The following FER1L6 variants were observed in gnomAD, a reference collection of about 807,000 sequenced individuals.
FER1L6 encodes fer-1-like protein 6.
FER1L6 carries 177 observed loss-of-function variants against 219.2 expected under a neutral mutation model. The ratio of observed to expected loss-of-function variants is 0.81; its 90% CI spans 0.71 to 0.91. The LOEUF is 0.91. Ranked by LOEUF, FER1L6 falls within the 40% of genes least tolerant of loss-of-function variation. The pLI is 0.00. For synonymous variants in FER1L6, 768 were observed against 824.3 expected (o/e 0.93, Z 1.17); for missense variants, 2,153 against 2,259.9 (o/e 0.95, Z 0.96).
intron 2 of FER1L6, among the ~76,000 whole-genome samples, chr8:123,958,411 G>T (rs1563707521): frequency 6.6e-6 from 1 of 152,302 alleles, no homozygotes; most frequent in South Asian, 2.1e-4. Context: ...TCAGGCTCCA[G>T]GTGACCCTGT....
intron 14 of FER1L6, among the ~76,000 whole-genome samples, chr8:124,011,747 ATT>A (rs948913666): frequency 2.0e-5 from 3 of 151,812 alleles, no homozygotes; most frequent in African/African-American, 7.3e-5. Context: ...CAGCCCCCAA[ATT>A]GCTGGGGTGA....
chr8:124,064,295 G>A (rs375847755), intron 25 of FER1L6, 52 bp from the exon 26 acceptor site: 191 of 1,469,332 alleles, frequency 1.3e-4, no homozygotes, highest in Non-Finnish European at 1.6e-4. Context: ...TCCCTGAAAC[G>A]ACCACCCTGT....
rs930271300 is a variant in FER1L6, at chr8:123,877,934, A to G, written c.-8+25749A>G. Among the ~76,000 whole-genome samples the G allele has an allele frequency of 2.6e-5, 4 of 152,068 alleles. No homozygotes were observed. In the South Asian group the frequency reaches 8.3e-4, roughly 32 times the overall value. On this transcript the variant is annotated intron_variant, in intron 1 of 40. Coordinates refer to ENST00000522917, the MANE Select transcript of FER1L6 (RefSeq NM_001039112.2). ...TTATCGTTCTAAATACAAGGAAAAA[A>G]GGGGTGAGGGTTGGGGAGAGAGCTC...
At chr8:124,025,924 G>T (rs1346455261) in intron 18 of FER1L6, among the ~76,000 whole-genome samples, 1 of 152,184 alleles carries the variant, frequency 6.6e-6, no homozygotes, top group Non-Finnish European at 1.5e-5. Flanking sequence ...CTTCTCACAT[G>T]AGTTAATCTG....
At chr8:123,950,398 C>T (rs763677251) in intron 1 of FER1L6, among the ~76,000 whole-genome samples, 1 of 152,148 alleles carries the variant, frequency 6.6e-6, no homozygotes, top group African/African-American at 2.4e-5. Flanking sequence ...AGAATAATGC[C>T]TCCATTTTCC....
chr8:123,896,913 G>T (rs1812752755), intron 1 of FER1L6, among the ~76,000 whole-genome samples: 1 of 152,046 alleles, frequency 6.6e-6, no homozygotes, highest in African/African-American at 2.4e-5. Flanking sequence ...AACTTAACTC[G>T]CCGAAGCCCA....
chr8:123,999,418 G>A (rs1449470470), intron 12 of FER1L6, among the ~76,000 whole-genome samples: 1 of 152,244 alleles, frequency 6.6e-6, no homozygotes, highest in Non-Finnish European at 1.5e-5. Flanking sequence ...GGCCAAGCCA[G>A]GTGGATCACT....
At chr8:124,000,181 ATCAC>A (rs1817338704) in intron 12 of FER1L6, among the ~76,000 whole-genome samples, 1 of 152,050 alleles carries the variant, frequency 6.6e-6, no homozygotes, top group African/African-American at 2.4e-5. Context: ...AAATCCCACA[ATCAC>A]TGCATTTTTT....
chr8:124,109,830 G>T (rs748540695), intron 39 of FER1L6, among the ~76,000 whole-genome samples: 59 of 152,308 alleles, frequency 3.9e-4, no homozygotes, highest in Non-Finnish European at 8.8e-5. Context: ...ACAGACAAGA[G>T]AAGCAACCGG....
At chr8:123,954,884 C>T (rs527333268) in intron 1 of FER1L6, among the ~76,000 whole-genome samples, 6 of 152,278 alleles carry the variant, frequency 3.9e-5, no homozygotes, top group East Asian at 1.9e-4. Context: ...CTCCTCCCTT[C>T]GCCTCCAAAT....
rs1221696065 is a variant in FER1L6, at chr8:123,935,720, TATGGTAATTAAA to T, written c.-7-20270_-7-20259del. Among the ~76,000 whole-genome samples, 3 of 152,154 alleles carry T rather than the reference TATGGTAATTAAA, an allele frequency of 2.0e-5. 1 individual carries two copies. The highest frequency in any genetic ancestry group is 4.4e-5 in the Non-Finnish European group (3 of 68,006). On this transcript the variant is annotated intron_variant, in intron 1 of 40. Transcript: ENST00000522917. ...CCATGGTGATGGAAGACAGAAAGCA[TATGGTAATTAAA>T]ACCACAAGTTAAATGATTTTATCCA...
intron 1 of FER1L6, among the ~76,000 whole-genome samples, chr8:123,907,370 T>A (rs983730444): frequency 6.6e-6 from 1 of 152,110 alleles, no homozygotes; most frequent in Non-Finnish European, 1.5e-5. Flanking sequence ...GCTGCTGCTA[T>A]CACCACCCTC....
chr8:124,056,342 A>G (rs190851276), intron 22 of FER1L6, among the ~76,000 whole-genome samples: 5 of 152,330 alleles, frequency 3.3e-5, no homozygotes, highest in African/African-American at 1.2e-4. Flanking sequence ...TGCACTGTGC[A>G]GCCTCCATGG....
intron 1 of FER1L6, among the ~76,000 whole-genome samples, chr8:123,863,043 G>C (rs1404770007): frequency 7.4e-6 from 1 of 135,858 alleles, no homozygotes; most frequent in African/African-American, 3.3e-5. Flanking sequence ...GTTTGCTCTT[G>C]CTTTTCTAGT....
chr8:123,886,926 G>GT (rs200245432), intron 1 of FER1L6, among the ~76,000 whole-genome samples: 14 of 152,074 alleles, frequency 9.2e-5, no homozygotes, highest in Non-Finnish European at 1.3e-4. Flanking sequence ...CCCATAGACA[G>GT]TTTTTTTTAA....
intron 16 of FER1L6, among the ~76,000 whole-genome samples, chr8:124,018,970 CTG>C (rs1402991871): frequency 6.6e-6 from 1 of 152,228 alleles, no homozygotes; most frequent in African/African-American, 2.4e-5. Context: ...ACTGTCTAAA[CTG>C]AGTTTCTTAG....
chr8:123,913,497 G>C (rs543044839), intron 1 of FER1L6, among the ~76,000 whole-genome samples: 34 of 152,232 alleles, frequency 2.2e-4, no homozygotes, highest in African/African-American at 7.7e-4. Flanking sequence ...AGAGTGAAAG[G>C]AGGCTTGGTC....
intron 1 of FER1L6, among the ~76,000 whole-genome samples, chr8:123,911,958 G>C (rs190445485): frequency 6.6e-6 from 1 of 152,238 alleles, no homozygotes; most frequent in East Asian, 1.9e-4. Context: ...GCACACCCTG[G>C]TTTTATGGTA....
chr8:123,986,344 T>C (rs529408113), intron 12 of FER1L6, among the ~76,000 whole-genome samples, 168 bp downstream of exon 12: 1 of 152,308 alleles, frequency 6.6e-6, no homozygotes, highest in South Asian at 2.1e-4. Context: ...ATATAAGGGA[T>C]AGATTTATTT....
Sources: allele counts gnomAD v4.1 joint callset (sites outside exome capture counted in the v4.1 genomes callset), GRCh38; gene constraint gnomAD v4.1.1; transcripts MANE v1.5; gene names NCBI Gene and HGNC (gene_info 2026-07-23, HGNC 2026-07-21).